KSR2: variants seen among roughly 807,000 people sequenced by gnomAD.
KSR2 encodes kinase suppressor of ras 2.
Under a neutral mutation model 107.8 loss-of-function variants are expected in KSR2, and 25 were observed. The ratio of observed to expected loss-of-function variants is 0.23; its 90% CI spans 0.17 to 0.32. The LOEUF is 0.32. Ranked by LOEUF, KSR2 falls within the 10% of genes least tolerant of loss-of-function variation. The probability of loss-of-function intolerance (pLI) is 1.00; values close to 1 mark genes in which losing one functional copy is unlikely to be tolerated. For synonymous variants in KSR2, 480 were observed against 507.0 expected (o/e 0.95, Z 0.71); for missense variants, 887 against 1,268.9 (o/e 0.70, Z 4.57).
intron 5 of KSR2, among the ~76,000 whole-genome samples, chr12:117,651,221 G>C (rs1470519728): frequency 1.3e-5 from 2 of 152,162 alleles, no homozygotes; most frequent in Non-Finnish European, 2.9e-5. Flanking sequence ...ACCCTGCCCT[G>C]CCTGAGGCAA....
intron 5 of KSR2, among the ~76,000 whole-genome samples, chr12:117,656,980 G>GTATATATATA (rs1884194868): frequency 2.0e-5 from 1 of 50,556 alleles, no homozygotes. Context: ...ATATATAATA[G>GTATATATATA]GATATATATA....
At chr12:117,722,130 T>C (rs1887232774) in intron 4 of KSR2, among the ~76,000 whole-genome samples, 1 of 152,192 alleles carries the variant, frequency 6.6e-6, no homozygotes, top group Non-Finnish European at 1.5e-5. Context: ...CGCCTCGTTC[T>C]CCTAAGTAGC....
chr12:117,799,958 C>G (rs565556131), intron 3 of KSR2, among the ~76,000 whole-genome samples: 2 of 152,332 alleles, frequency 1.3e-5, no homozygotes, highest in East Asian at 3.9e-4. Flanking sequence ...GCTCTTAGCC[C>G]TATGAAACGA....
At chr12:117,481,160 G>T (rs946505851) in intron 16 of KSR2, among the ~76,000 whole-genome samples, 9 of 152,216 alleles carry the variant, frequency 5.9e-5, no homozygotes, top group African/African-American at 2.2e-4. Context: ...GGTGCTATTA[G>T]TGCCTGCCCC....
chr12:117,562,755 T>G (rs2137366526), intron 7 of KSR2, among the ~76,000 whole-genome samples: 1 of 152,146 alleles, frequency 6.6e-6, no homozygotes, highest in Admixed American at 6.5e-5. Flanking sequence ...GGAAAAGCCC[T>G]CCTTGACCTC....
chr12:117,471,438 T>C, intron 17 of KSR2, 118 bp from the exon 18 acceptor site: 1 of 1,094,424 alleles, frequency 9.1e-7, no homozygotes, highest in Non-Finnish European at 1.3e-6. Context: ...TCTCCCCACT[T>C]TCTTCCTCAT....
chr12:117,957,794 G>A (rs1457563091), intron 1 of KSR2, among the ~76,000 whole-genome samples: 5 of 148,638 alleles, frequency 3.4e-5, no homozygotes, highest in African/African-American at 7.5e-5. Flanking sequence ...TGAACACAAG[G>A]CAAAAGGAAA....
intron 5 of KSR2, 72 bp from the exon 6 acceptor site, chr12:117,582,431 G>A (rs1879724665): frequency 1.8e-6 from 2 of 1,124,492 alleles, no homozygotes; most frequent in South Asian, 2.5e-5. Context: ...AGGCCTGGAA[G>A]GAAAAGGGGG....
chr12:117,774,770 C>CT (rs1438580521), intron 3 of KSR2, among the ~76,000 whole-genome samples: 1 of 152,178 alleles, frequency 6.6e-6, no homozygotes, highest in African/African-American at 2.4e-5. Context: ...TTCCAAAACA[C>CT]TATCATTACA....
chr12:117,662,380 C>A (rs943713903), intron 5 of KSR2, among the ~76,000 whole-genome samples: 2 of 152,156 alleles, frequency 1.3e-5, no homozygotes, highest in African/African-American at 2.4e-5. Flanking sequence ...CTCTTTATAA[C>A]CCTTCCAGCG....
intron 3 of KSR2, among the ~76,000 whole-genome samples, chr12:117,851,755 G>A (rs1892933091): frequency 1.3e-5 from 2 of 152,064 alleles, no homozygotes; most frequent in Admixed American, 6.5e-5. Context: ...GAGCAGCATG[G>A]TGGCGCATGC....
chr12:117,500,272 T>C (rs1873300310), intron 14 of KSR2, among the ~76,000 whole-genome samples: 1 of 152,156 alleles, frequency 6.6e-6, no homozygotes, highest in Admixed American at 6.5e-5. Context: ...CAAGGTTGTG[T>C]TTAGAGTGAC....
intron 7 of KSR2, among the ~76,000 whole-genome samples, chr12:117,564,919 G>A (rs2137374522): frequency 6.6e-6 from 1 of 152,298 alleles, no homozygotes; most frequent in South Asian, 2.1e-4. Flanking sequence ...CTCTTTGTTT[G>A]TGAAATGCAA....
intron 4 of KSR2, among the ~76,000 whole-genome samples, chr12:117,729,834 G>A (rs1399581081): frequency 5.3e-5 from 8 of 152,148 alleles, no homozygotes; most frequent in African/African-American, 7.2e-5. Context: ...CCAGGATTCC[G>A]GAAAACAACA....
intron 4 of KSR2, among the ~76,000 whole-genome samples, chr12:117,670,104 A>G (rs1411651217): frequency 6.6e-6 from 1 of 152,226 alleles, no homozygotes; most frequent in Non-Finnish European, 1.5e-5. Context: ...GACACTAAAA[A>G]CAAGGATTCC....
At chr12:117,889,145 C>G (rs1279343431) in intron 1 of KSR2, among the ~76,000 whole-genome samples, 1 of 152,180 alleles carries the variant, frequency 6.6e-6, no homozygotes, top group Non-Finnish European at 1.5e-5. Context: ...CCCAGGTCAC[C>G]TAACTCCAAG....
chr12:117,520,782 G>C (rs367782175), intron 14 of KSR2, among the ~76,000 whole-genome samples: 1 of 151,872 alleles, frequency 6.6e-6, no homozygotes, highest in Non-Finnish European at 1.5e-5. Flanking sequence ...ATAAAATCAG[G>C]ACTCCTCACC....
intron 1 of KSR2, among the ~76,000 whole-genome samples, chr12:117,963,612 A>G (rs1896717992): frequency 6.6e-6 from 1 of 151,026 alleles, no homozygotes; most frequent in South Asian, 2.1e-4. Flanking sequence ...CAAAAAAAAC[A>G]AAACAAAAAA....
At chr12:117,783,622 G>T (rs1229507642) in intron 3 of KSR2, among the ~76,000 whole-genome samples, 1 of 152,242 alleles carries the variant, frequency 6.6e-6, no homozygotes, top group Non-Finnish European at 1.5e-5. Flanking sequence ...GTCAATGACA[G>T]CAGGTGGGTA....
Sources: allele counts gnomAD v4.1 joint callset (sites outside exome capture counted in the v4.1 genomes callset), GRCh38; gene constraint gnomAD v4.1.1; transcripts MANE v1.5; gene names NCBI Gene and HGNC (gene_info 2026-07-23, HGNC 2026-07-21).